PTGIS: variants seen among roughly 807,000 people sequenced by gnomAD.
The protein encoded by PTGIS is prostacyclin synthase.
Under a neutral mutation model 50.3 loss-of-function variants are expected in PTGIS, and 45 were observed. The ratio of observed to expected loss-of-function variants is 0.90; its 90% CI spans 0.70 to 1.15. The LOEUF is 1.15. PTGIS is among the 50% of genes most tolerant of loss of function. The pLI, the probability that PTGIS is intolerant of heterozygous loss-of-function variation, is 0.00. For synonymous variants in PTGIS, 260 were observed against 267.7 expected, an observed-to-expected ratio of 0.97 and a Z score of 0.28; for missense variants, 668 against 661.3, an observed-to-expected ratio of 1.01 and a Z score of -0.11.
chr20:49,561,597 T>C (rs750028971), intron 1 of PTGIS, among the ~76,000 whole-genome samples: 58 of 152,224 alleles, frequency 3.8e-4, no homozygotes, highest in Non-Finnish European at 1.6e-4. Flanking sequence ...GCAGTGATTT[T>C]TGCATAAGAG....
chr20:49,507,721 A>G lies in PTGIS; in HGVS notation c.*199T>C, dbSNP rs1284931004. The G allele has an allele frequency of 1.4e-6, 1 of 728,258 alleles. No individual in the cohort carries two copies. The allele number at this position is 728,258 out of a possible 1,614,324, so 45.1% of individuals were successfully genotyped here. A position where few individuals can be genotyped will look rare whatever the true frequency, so the allele number is the denominator to read the frequency against. On this transcript the variant is annotated 3_prime_UTR_variant, in exon 10 of 10. Coordinates refer to ENST00000244043, the MANE Select transcript of PTGIS (RefSeq NM_000961.4). Reference sequence around the variant, plus strand: ...AAGAAAACTTTGCAGTGGATAATCCATAGAGCTTTCAATGTCTTTTCTTTG... The same window carrying G: ...AAGAAAACTTTGCAGTGGATAATCCGTAGAGCTTTCAATGTCTTTTCTTTG...
chr20:49,566,797 C>T (rs1982910177), intron 1 of PTGIS, among the ~76,000 whole-genome samples: 1 of 152,084 alleles, frequency 6.6e-6, no homozygotes, highest in South Asian at 2.1e-4. Flanking sequence ...AATGTGGTAA[C>T]TTGGGGCCGG....
At chr20:49,514,172 G>A (rs1981405251) in intron 7 of PTGIS, 55 bp downstream of exon 7, 1 of 1,600,588 alleles carries the variant, frequency 6.2e-7, no homozygotes. Context: ...GAGGGCTTTG[G>A]GGGTCCATGA....
chr20:49,521,420 T>C (rs778660401), intron 6 of PTGIS, among the ~76,000 whole-genome samples: 2 of 152,168 alleles, frequency 1.3e-5, no homozygotes, highest in Non-Finnish European at 2.9e-5. Flanking sequence ...CGACTCAACC[T>C]CAGAGGACAT....
chr20:49,512,106 T>C (rs538216816), intron 8 of PTGIS, among the ~76,000 whole-genome samples: 2 of 151,414 alleles, frequency 1.3e-5, no homozygotes, highest in Non-Finnish European at 2.9e-5. Context: ...GACGGATGGA[T>C]AGATGGATGG....
At chr20:49,567,353 C>T (rs1404275073) in intron 1 of PTGIS, among the ~76,000 whole-genome samples, 6 of 152,188 alleles carry the variant, frequency 3.9e-5, no homozygotes, top group Non-Finnish European at 8.8e-5. Context: ...GACCCTGGCT[C>T]CGTTCTGTCC....
At chr20:49,518,534 G>T (rs1981556440) in intron 6 of PTGIS, among the ~76,000 whole-genome samples, 1 of 152,144 alleles carries the variant, frequency 6.6e-6, no homozygotes, top group African/African-American at 2.4e-5. Flanking sequence ...TCTTAGTCTT[G>T]ATGAATGTAT....
intron 1 of PTGIS, among the ~76,000 whole-genome samples, chr20:49,557,338 C>A (rs1982644233): frequency 6.6e-6 from 1 of 152,072 alleles, no homozygotes; most frequent in African/African-American, 2.4e-5. Flanking sequence ...TGCCTGTAAT[C>A]CCAGCACTTT....
intron 4 of PTGIS, among the ~76,000 whole-genome samples, chr20:49,542,244 A>G (rs1013249396): frequency 2.0e-5 from 3 of 152,278 alleles, no homozygotes; most frequent in African/African-American, 7.2e-5. Flanking sequence ...GGTGGGTGTA[A>G]GAGGTGGCAC....
chr20:49,548,089 C>G, intron 2 of PTGIS, 70 bp from the exon 3 acceptor site: 1 of 1,468,054 alleles, frequency 6.8e-7, no homozygotes, highest in Non-Finnish European at 9.5e-7. Context: ...GTGGTCAGGG[C>G]CTTACTGTGT....
rs780667898 is a variant in PTGIS at position 49,529,337 on chromosome 20, C to T, written c.674-5098G>A. On this transcript the variant is annotated intron_variant, in intron 5 of 9. Transcript: ENST00000244043. ...CTGAATTCAACTTTTTTAGCTCCCACGTATAAATGACATAATGCGGTATTT... is the reference window on the plus strand; with the variant it reads ...CTGAATTCAACTTTTTTAGCTCCCATGTATAAATGACATAATGCGGTATTT... 1.4e-4 allele frequency among the ~76,000 whole-genome samples: 21 copies of T among 152,146 alleles called. 1 individual carries two copies. The highest frequency in any genetic ancestry group is 2.9e-5 in the Non-Finnish European group (2 of 68,030).
At chr20:49,512,205 AT>A (rs1046332992) in intron 8 of PTGIS, among the ~76,000 whole-genome samples, 41 of 151,702 alleles carry the variant, frequency 2.7e-4, no homozygotes, top group African/African-American at 9.0e-4. Flanking sequence ...GGATGGGTAG[AT>A]GGGTGAGTAT....
intron 1 of PTGIS, among the ~76,000 whole-genome samples, chr20:49,566,189 C>T (rs1212687894): frequency 6.6e-6 from 1 of 152,230 alleles, no homozygotes; most frequent in Non-Finnish European, 1.5e-5. Context: ...GAGATCGTGC[C>T]ATTGCACTCC....
rs963436118 is a variant in PTGIS, at chr20:49,507,421, G to A, written c.*499C>T. Reference sequence around the variant, plus strand: ...GCAGATCTTCTAAGGGACTCCTTTGGTTTTAGCTAGTTTAAGGATTATTGG... The same window carrying A: ...GCAGATCTTCTAAGGGACTCCTTTGATTTTAGCTAGTTTAAGGATTATTGG... On this transcript the variant is annotated 3_prime_UTR_variant, in exon 10 of 10. Transcript: ENST00000244043. The A allele has an allele frequency of 1.8e-5, 4 of 224,652 alleles. No individual in the cohort carries two copies. The highest frequency in any genetic ancestry group is 9.1e-5 in the African/African-American group (4 of 43,840). The allele number at this position is 224,652 out of a possible 1,614,324, so 13.9% of individuals were successfully genotyped here.
At chr20:49,534,996 ACT>A (rs1008377331) in intron 5 of PTGIS, among the ~76,000 whole-genome samples, 55 of 152,130 alleles carry the variant, frequency 3.6e-4, no homozygotes, top group African/African-American at 1.3e-3. Flanking sequence ...ACAGAGCAAG[ACT>A]CTGTTTCAAA....
chr20:49,567,899 C>T, intron 1 of PTGIS, 144 bp downstream of exon 1: 1 of 730,192 alleles, frequency 1.4e-6, no homozygotes, highest in Non-Finnish European at 1.9e-6. Flanking sequence ...CCCCGGGACT[C>T]CCACCTCCGA....
intron 1 of PTGIS, among the ~76,000 whole-genome samples, chr20:49,553,508 T>C (rs987578078): frequency 2.4e-4 from 36 of 152,008 alleles, no homozygotes; most frequent in Non-Finnish European, 7.4e-5. Context: ...TGTAATGAAA[T>C]AAATGCTTAT....
In PTGIS at chr20:49,505,007, C is replaced by T. The variant is rs945085909; in HGVS notation, c.*2913G>A. 1 of 150,992 alleles carries T rather than the reference C, an allele frequency of 6.6e-6. No homozygotes were observed. Among genetic ancestry groups the T allele is most frequent in the Non-Finnish European group, 1.5e-5 (1 of 68,000 alleles). 9.4% of individuals were successfully genotyped at this position (150,992 alleles called of 1,614,324 possible). A position where few individuals can be genotyped will look rare whatever the true frequency, so the allele number is the denominator to read the frequency against. The stretch of plus-strand genomic sequence containing the variant: ...GTGTGGTGGCGGGTGCCTGTAGTCC[C>T]AGCTACTCAGGAGGCTGAGGCAGGA... On this transcript the variant is annotated 3_prime_UTR_variant, in exon 10 of 10. Coordinates refer to ENST00000244043, the MANE Select transcript of PTGIS (RefSeq NM_000961.4).
chr20:49,563,955 C>T (rs1281343891), intron 1 of PTGIS, among the ~76,000 whole-genome samples: 2 of 152,136 alleles, frequency 1.3e-5, no homozygotes, highest in Non-Finnish European at 2.9e-5. Flanking sequence ...CTCCATGAGC[C>T]ACCTCGAAGT....
Sources: allele counts gnomAD v4.1 joint callset (sites outside exome capture counted in the v4.1 genomes callset), GRCh38; gene constraint gnomAD v4.1.1; transcripts MANE v1.5; gene names NCBI Gene and HGNC (gene_info 2026-07-23, HGNC 2026-07-21).